The following KDM4D variants were observed in gnomAD, a reference collection of about 807,000 sequenced individuals.
KDM4D encodes lysine-specific demethylase 4D.
For missense variants in KDM4D, 427 were observed against 674.8 expected (o/e 0.63, Z 4.07); for synonymous variants, 254 against 249.1 (o/e 1.02, Z -0.19).
intron 2 of KDM4D, among the ~76,000 whole-genome samples, chr11:94,988,476 C>T (rs146051586): frequency 0.014 from 2,201 of 152,256 alleles, 28 homozygotes; most frequent in South Asian, 0.033. Context: ...CTAGACTCTT[C>T]CAATCAGACA....
chr11:94,989,369 G>T (rs1017250552), intron 2 of KDM4D, among the ~76,000 whole-genome samples: 1 of 152,168 alleles, frequency 6.6e-6, no homozygotes, highest in African/African-American at 2.4e-5. Context: ...CCTTGTAGAT[G>T]GATTCAGCAG....
At position 94,993,617 on chromosome 11, in the gene KDM4D, C is replaced by A. The variant is rs587681035; in HGVS notation, c.-349-3407C>A. On this transcript the variant is annotated intron_variant, in intron 2 of 2. Coordinates refer to ENST00000335080, the MANE Select transcript of KDM4D (RefSeq NM_018039.3). ...ATGTATAAGGAGACATTGCATCATT[C>A]TTCCTAGAATCCTTAGAAATGTAGA... 2.0e-5 allele frequency among the ~76,000 whole-genome samples: 3 copies of A among 150,026 alleles called. No homozygotes were observed. In the East Asian group the frequency reaches 5.9e-4, roughly 29 times the overall value.
intron 2 of KDM4D, among the ~76,000 whole-genome samples, chr11:94,993,127 A>C (rs181945583): frequency 6.6e-6 from 1 of 151,766 alleles, no homozygotes; most frequent in Non-Finnish European, 1.5e-5. Flanking sequence ...ACACCCCCCA[A>C]CACACACACA....
chr11:94,997,715 C>A lies in KDM4D; in HGVS notation c.343C>A (p.His115Asn). The A allele has an allele frequency of 1.9e-6, 3 of 1,614,252 alleles. No individual in the cohort carries two copies. The highest frequency in any genetic ancestry group is 2.5e-6 in the Non-Finnish European group (3 of 1,180,048). Reference sequence around the variant, plus strand: ...CAGTAAAAAATATCAGACTCCACCACACCAGAATTTCGAAGATTTGGAGCG... The same window carrying A: ...CAGTAAAAAATATCAGACTCCACCAAACCAGAATTTCGAAGATTTGGAGCG... The part of the protein sequence containing the change: ...ANSKKYQTPP[H>N]QNFEDLERKY... Residue 115 changes from histidine (H) to asparagine (N), a missense_variant, in exon 3 of 3, where the codon CAC (histidine) becomes AAC (asparagine). Coordinates refer to ENST00000335080, the MANE Select transcript of KDM4D (RefSeq NM_018039.3).
At chr11:94,986,464 G>A (rs1555098131) in intron 2 of KDM4D, among the ~76,000 whole-genome samples, 1 of 151,960 alleles carries the variant, frequency 6.6e-6, no homozygotes, top group Non-Finnish European at 1.5e-5. Context: ...GCATGGTGAT[G>A]TGCACCTGTT....
Position 94,999,364 on chromosome 11 carries a change from CCT to C in KDM4D, c.*421_*422del, listed in dbSNP as rs1858008292. 2 of 169,960 alleles carry C rather than the reference CCT, an allele frequency of 1.2e-5. No homozygotes were observed. Among genetic ancestry groups the C allele is most frequent in the African/African-American group, 4.8e-5 (2 of 41,520 alleles). 10.5% of individuals were successfully genotyped at this position (169,960 alleles called of 1,614,324 possible). On this transcript the variant is annotated 3_prime_UTR_variant, in exon 3 of 3. Transcript: ENST00000335080. Reference sequence around the variant, plus strand: ...ATTTCTCTCTTCCCCTCCCTCACCCCCTTTTTCTTATAAAACTAGGTTCTTTA... The same window carrying C: ...ATTTCTCTCTTCCCCTCCCTCACCCCTTTTCTTATAAAACTAGGTTCTTTA...
chr11:94,973,833 G>A lies in KDM4D; in HGVS notation c.-680G>A. On this transcript the variant is annotated 5_prime_UTR_variant, in exon 1 of 3. Coordinates refer to ENST00000335080, the MANE Select transcript of KDM4D (RefSeq NM_018039.3). ...ACCCCCTCCCAGACTCCTTCATTCC[G>A]GTACTGCGTGGACGGAAAGCCCCGG... 1 of 152,280 alleles carries A rather than the reference G, an allele frequency of 6.6e-6. No individual in the cohort carries two copies. The highest frequency in any genetic ancestry group is 1.5e-5 in the Non-Finnish European group (1 of 68,090). 9.4% of individuals were successfully genotyped at this position (152,280 alleles called of 1,614,324 possible). A position where few individuals can be genotyped will look rare whatever the true frequency, so the allele number is the denominator to read the frequency against.
At position 94,974,770 on chromosome 11, in the gene KDM4D, C is replaced by T. The variant is rs1442330545; in HGVS notation, c.-445+702C>T. Among the ~76,000 whole-genome samples, 3 of 152,208 alleles carry T rather than the reference C, an allele frequency of 2.0e-5. 1 individual carries two copies. Among genetic ancestry groups the T allele is most frequent in the Non-Finnish European group, 4.4e-5 (3 of 68,042 alleles). On this transcript the variant is annotated intron_variant, in intron 1 of 2. Transcript: ENST00000335080. ...TTAACAATTCTACTTTTAAAACTCACCCGCAATTTTATTCTACTGCCACTA... is the reference window on the plus strand; with the variant it reads ...TTAACAATTCTACTTTTAAAACTCATCCGCAATTTTATTCTACTGCCACTA...
At chr11:94,975,475 C>T (rs1025320708) in intron 1 of KDM4D, among the ~76,000 whole-genome samples, 179 bp from the exon 2 acceptor site, 4 of 152,042 alleles carry the variant, frequency 2.6e-5, no homozygotes, top group Non-Finnish European at 5.9e-5. Flanking sequence ...AGTTTCCTCA[C>T]GTGTAAAATG....
rs782536687 is a variant in KDM4D at position 94,998,037 on chromosome 11, G to A, written c.665G>A (p.Arg222His). Residue 222 changes from arginine to histidine, a missense_variant, in exon 3 of 3, where the codon CGC (arginine) becomes CAC (histidine). By Grantham distance (29) the Arg-to-His change is conservative. Transcript: ENST00000335080. This position sits in a 1 kb window ranked among gnomAD's most constrained non-coding sequence, Gnocchi z 6.7. ...GTGGTGCCCCCAGAACATGGCCAGC[G>A]CCTGGAACGCCTGGCCAGGGAGCTC... ...WYVVPPEHGQRLERLARELFP... is the reference protein window; with the variant it reads ...WYVVPPEHGQHLERLARELFP... 8.7e-6 allele frequency: 14 copies of A among 1,614,084 alleles called. No homozygotes were observed. The highest frequency in any genetic ancestry group is 2.7e-5 in the African/African-American group (2 of 74,936).
In KDM4D at chr11:94,998,515, G is replaced by C. The variant is rs782234010; in HGVS notation, c.1143G>C (p.Trp381Cys). Residue 381 changes from tryptophan (W) to cysteine (C), a missense_variant, in exon 3 of 3, where the codon TGG becomes TGC. Trp to Cys is a radical substitution (Grantham distance 215). Coordinates refer to ENST00000335080, the MANE Select transcript of KDM4D (RefSeq NM_018039.3). This position sits in a 1 kb window ranked among gnomAD's most constrained non-coding sequence, Gnocchi z 6.7. ...GCCTGAGACAACTCCCTTCCCACTG[G>C]GCCCGGCATTCCCCTTGGCCTATGG... ...ALGLRQLPSHWARHSPWPMAA... is the reference protein window; with the variant it reads ...ALGLRQLPSHCARHSPWPMAA... The C allele has an allele frequency of 2.5e-6, 4 of 1,612,454 alleles. No homozygotes were observed. The highest frequency in any genetic ancestry group is 3.4e-6 in the Non-Finnish European group (4 of 1,179,994).
At chr11:94,976,410 TCTC>T (rs1337104634) in intron 2 of KDM4D, among the ~76,000 whole-genome samples, 1 of 152,192 alleles carries the variant, frequency 6.6e-6, no homozygotes, top group African/African-American at 2.4e-5. Flanking sequence ...GGACTTCTCA[TCTC>T]CTTTTTTCCG....
intron 1 of KDM4D, among the ~76,000 whole-genome samples, 191 bp downstream of exon 1, chr11:94,974,259 A>G (rs1857775998): frequency 6.6e-6 from 1 of 152,230 alleles, no homozygotes; most frequent in African/African-American, 2.4e-5. Flanking sequence ...CTTAAGTGTT[A>G]AGTTTTAATA....
At chr11:94,976,440 C>T (rs587647755) in intron 2 of KDM4D, among the ~76,000 whole-genome samples, 1 of 152,250 alleles carries the variant, frequency 6.6e-6, no homozygotes, top group African/African-American at 2.4e-5. Context: ...TATCGAGCTG[C>T]CTTTGGCTAT....
chr11:94,980,420 A>G (rs782724248), intron 2 of KDM4D, among the ~76,000 whole-genome samples: 11 of 152,140 alleles, frequency 7.2e-5, no homozygotes, highest in East Asian at 1.9e-4. Context: ...TCAGGAGCCA[A>G]TTGTCAAGTT....
intron 2 of KDM4D, among the ~76,000 whole-genome samples, chr11:94,995,319 A>G (rs1857966910): frequency 6.6e-6 from 1 of 152,202 alleles, no homozygotes; most frequent in Non-Finnish European, 1.5e-5. Flanking sequence ...TGAGTTTTGA[A>G]TAGGATACTA....
intron 2 of KDM4D, among the ~76,000 whole-genome samples, chr11:94,985,429 ATATTGTTAAGC>A (rs1857877257): frequency 6.6e-6 from 1 of 152,238 alleles, no homozygotes; most frequent in Non-Finnish European, 1.5e-5. Flanking sequence ...GAACTAGAAA[ATATTGTTAAGC>A]TAAATGGAAA....
intron 2 of KDM4D, among the ~76,000 whole-genome samples, chr11:94,979,096 A>G (rs1427999497): frequency 6.6e-6 from 1 of 152,230 alleles, no homozygotes; most frequent in South Asian, 2.1e-4. Context: ...TTCTATGTGC[A>G]TGTAAAAAGT....
In KDM4D at chr11:94,999,364, C is replaced by A. The variant is rs1185546410; in HGVS notation, c.*420C>A. 1 of 169,960 alleles carries A rather than the reference C, an allele frequency of 5.9e-6. No homozygotes were observed. Among genetic ancestry groups the A allele is most frequent in the Non-Finnish European group, 1.4e-5 (1 of 70,314 alleles). The allele number at this position is 169,960 out of a possible 1,614,324, so 10.5% of individuals were successfully genotyped here. On this transcript the variant is annotated 3_prime_UTR_variant, in exon 3 of 3. Transcript: ENST00000335080. ...ATTTCTCTCTTCCCCTCCCTCACCC[C>A]CTTTTTCTTATAAAACTAGGTTCTT...
Sources: allele counts gnomAD v4.1 joint callset (sites outside exome capture counted in the v4.1 genomes callset), GRCh38; gene constraint gnomAD v4.1.1; non-coding constraint Gnocchi (gnomAD v3.1); transcripts MANE v1.5; gene names NCBI Gene and HGNC (gene_info 2026-07-23, HGNC 2026-07-21).